The following IL20RA variants were observed in gnomAD, a reference collection of about 807,000 sequenced individuals.
The protein encoded by IL20RA is interleukin 20 receptor subunit alpha.
IL20RA carries 29 observed loss-of-function variants against 36.5 expected under a neutral mutation model. That is an observed-to-expected ratio of 0.79 (90% confidence interval 0.59 to 1.08). The LOEUF (loss-of-function observed/expected upper bound fraction) is 1.08, where lower values mean the gene tolerates loss of function less well. IL20RA is among the 50% of genes least tolerant of loss of function. The pLI, the probability that IL20RA is intolerant of heterozygous loss-of-function variation, is 0.00. For missense variants in IL20RA, 652 were observed against 668.4 expected (o/e 0.98, Z 0.27); for synonymous variants, 279 against 267.1 (o/e 1.04, Z -0.43).
intron 1 of IL20RA, among the ~76,000 whole-genome samples, chr6:137,021,074 TA>T (rs1775885942): frequency 6.6e-6 from 1 of 151,382 alleles, no homozygotes; most frequent in Non-Finnish European, 1.5e-5. Context: ...CAGAACAAAT[TA>T]AGCCACGTTA....
At chr6:137,009,260 C>T in intron 4 of IL20RA, 57 bp downstream of exon 4, 2 of 1,398,996 alleles carry the variant, frequency 1.4e-6, no homozygotes, top group Non-Finnish European at 2.0e-6. Flanking sequence ...GTTGTTTGTT[C>T]CCACATTAGC....
chr6:137,039,514 A>G (rs1346532764), intron 1 of IL20RA, among the ~76,000 whole-genome samples: 1 of 152,248 alleles, frequency 6.6e-6, no homozygotes, highest in East Asian at 1.9e-4. Flanking sequence ...CAGTACAGAA[A>G]TCAGATTTAG....
At chr6:137,024,793 G>A (rs1483376402) in intron 1 of IL20RA, among the ~76,000 whole-genome samples, 2 of 152,170 alleles carry the variant, frequency 1.3e-5, no homozygotes, top group Admixed American at 6.5e-5. Flanking sequence ...ACATGATTGT[G>A]CTGTGATGTG....
chr6:137,009,601 T>C (rs1187525771), intron 3 of IL20RA, 109 bp from the exon 4 acceptor site: 1 of 40,618 alleles, frequency 2.5e-5, no homozygotes. Context: ...ATCCTTTTTT[T>C]TTTTTTTTTT....
intron 1 of IL20RA, among the ~76,000 whole-genome samples, chr6:137,021,295 T>A (rs1582829470): frequency 6.6e-6 from 1 of 152,140 alleles, no homozygotes; most frequent in East Asian, 1.9e-4. Flanking sequence ...AAGAATTCTC[T>A]CACATGGACT....
intron 1 of IL20RA, among the ~76,000 whole-genome samples, chr6:137,026,859 T>C (rs1376277660): frequency 4.6e-5 from 7 of 152,300 alleles, no homozygotes; most frequent in South Asian, 2.1e-4. Context: ...CCTAATTATA[T>C]ATCAAGTTCC....
intron 1 of IL20RA, among the ~76,000 whole-genome samples, chr6:137,018,451 T>A (rs982717431): frequency 6.6e-6 from 1 of 152,040 alleles, no homozygotes; most frequent in Non-Finnish European, 1.5e-5. Flanking sequence ...ATTTAAAAAA[T>A]TTTGTTTTAT....
chr6:137,012,660 T>C (rs1278178079), intron 2 of IL20RA, among the ~76,000 whole-genome samples: 1 of 152,034 alleles, frequency 6.6e-6, no homozygotes, highest in Non-Finnish European at 1.5e-5. Context: ...AAATAAAGTC[T>C]AGGATAAAAT....
intron 2 of IL20RA, among the ~76,000 whole-genome samples, chr6:137,016,369 G>T (rs962777449): frequency 6.6e-6 from 1 of 152,174 alleles, no homozygotes; most frequent in Non-Finnish European, 1.5e-5. Flanking sequence ...ATTTCCTGTG[G>T]TTGGAGCTGG....
chr6:137,028,805 G>A (rs1245995072), intron 1 of IL20RA, among the ~76,000 whole-genome samples: 1 of 151,970 alleles, frequency 6.6e-6, no homozygotes, highest in East Asian at 1.9e-4. Flanking sequence ...GGCATTTGAG[G>A]GATGTTTCCT....
intron 1 of IL20RA, among the ~76,000 whole-genome samples, chr6:137,040,317 C>T (rs1031095359): frequency 2.0e-5 from 3 of 151,846 alleles, no homozygotes; most frequent in African/African-American, 2.4e-5. Context: ...TGTATAACTA[C>T]GTTAGTCTAT....
intron 1 of IL20RA, among the ~76,000 whole-genome samples, chr6:137,028,224 C>T (rs1776159336): frequency 6.6e-6 from 1 of 152,082 alleles, no homozygotes; most frequent in Non-Finnish European, 1.5e-5. Flanking sequence ...TCAAGACCAG[C>T]CTGGCCAACA....
chr6:137,024,661 C>T (rs1776022053), intron 1 of IL20RA, among the ~76,000 whole-genome samples: 1 of 152,326 alleles, frequency 6.6e-6, no homozygotes, highest in East Asian at 1.9e-4. Context: ...CTTGAACCTA[C>T]CCTGTTTTTT....
chr6:137,044,207 G>T (rs1462651595), intron 1 of IL20RA: 28 of 987,202 alleles, frequency 2.8e-5, no homozygotes, highest in Non-Finnish European at 3.2e-5. Flanking sequence ...GGGGCCCGGC[G>T]GCCGAGACGC....
Position 137,009,580 on chromosome 6 carries a change from C to T in IL20RA, c.404-88G>A, listed in dbSNP as rs1439529451. On this transcript the variant is annotated intron_variant, in intron 3 of 6. Transcript: ENST00000316649. Reference sequence around the variant, plus strand: ...CCATATAATCCTACTTGGATCAAGGCCCTAAAAGACATCCTTTTTTTTTTT... The same window carrying T: ...CCATATAATCCTACTTGGATCAAGGTCCTAAAAGACATCCTTTTTTTTTTT... 8.6e-6 allele frequency: 6 copies of T among 698,862 alleles called. No homozygotes were observed. In the South Asian group the frequency reaches 1.1e-4, roughly 12 times the overall value. 43.3% of individuals were successfully genotyped at this position (698,862 alleles called of 1,614,324 possible). A position where few individuals can be genotyped will look rare whatever the true frequency, so the allele number is the denominator to read the frequency against.
At chr6:137,041,719 A>G (rs1776699730) in intron 1 of IL20RA, among the ~76,000 whole-genome samples, 1 of 152,182 alleles carries the variant, frequency 6.6e-6, no homozygotes, top group South Asian at 2.1e-4. Context: ...ACTGCAATCT[A>G]AAGCTCCAAA....
At chr6:137,032,198 A>G (rs1776320015) in intron 1 of IL20RA, among the ~76,000 whole-genome samples, 1 of 151,892 alleles carries the variant, frequency 6.6e-6, no homozygotes, top group Non-Finnish European at 1.5e-5. Context: ...CTCCTGGGGG[A>G]AATGTAAGAA....
At chr6:137,027,460 T>G (rs1776133808) in intron 1 of IL20RA, among the ~76,000 whole-genome samples, 1 of 152,210 alleles carries the variant, frequency 6.6e-6, no homozygotes, top group African/African-American at 2.4e-5. Flanking sequence ...TAATTGTTTA[T>G]GTGAGTAGCT....
chr6:137,033,615 T>G (rs1023989641), intron 1 of IL20RA, among the ~76,000 whole-genome samples: 1 of 152,196 alleles, frequency 6.6e-6, no homozygotes, highest in Non-Finnish European at 1.5e-5. Context: ...GTGACATGCT[T>G]GCTCCCCTTC....
Sources: allele counts gnomAD v4.1 joint callset (sites outside exome capture counted in the v4.1 genomes callset), GRCh38; gene constraint gnomAD v4.1.1; transcripts MANE v1.5; gene names NCBI Gene and HGNC (gene_info 2026-07-23, HGNC 2026-07-21).